Variants in LDAH observed in about 807,000 individuals in gnomAD.
The protein encoded by LDAH is lipid droplet associated hydrolase, also known as lipid droplet-associated hydrolase.
In LDAH, 26 loss-of-function variants were observed where a neutral mutation model predicts 29.6. The ratio of observed to expected loss-of-function variants is 0.88; its 90% CI spans 0.64 to 1.22. The LOEUF (loss-of-function observed/expected upper bound fraction) is 1.22, where lower values mean the gene tolerates loss of function less well. Ranked by LOEUF, LDAH falls within the 50% of genes most tolerant of loss-of-function variation. LDAH has a pLI of 0.00. For synonymous variants in LDAH, 117 were observed against 133.0 expected, an observed-to-expected ratio of 0.88 and a Z score of 0.83; for missense variants, 344 against 387.3, an observed-to-expected ratio of 0.89 and a Z score of 0.94.
chr2:20,782,454 G>A (rs981003023), intron 3 of LDAH, among the ~76,000 whole-genome samples: 1 of 152,090 alleles, frequency 6.6e-6, no homozygotes, highest in Non-Finnish European at 1.5e-5. Context: ...GAGAATTTTT[G>A]CATGTATGTC....
At chr2:20,818,389 T>C (rs897599611) in intron 1 of LDAH, among the ~76,000 whole-genome samples, 36 of 152,292 alleles carry the variant, frequency 2.4e-4, no homozygotes, top group African/African-American at 8.4e-4. Flanking sequence ...TATATAAACT[T>C]GAAAACATAC....
chr2:20,809,527 C>T (rs1052911736), intron 1 of LDAH, among the ~76,000 whole-genome samples: 1 of 152,136 alleles, frequency 6.6e-6, no homozygotes, highest in Admixed American at 6.5e-5. Context: ...TATACACACA[C>T]ACATATATAC....
intron 4 of LDAH, among the ~76,000 whole-genome samples, chr2:20,758,032 T>C (rs1302604894): frequency 6.6e-6 from 1 of 152,190 alleles, no homozygotes; most frequent in Non-Finnish European, 1.5e-5. Flanking sequence ...TCCATGTGCA[T>C]ACATCCCATT....
intron 5 of LDAH, among the ~76,000 whole-genome samples, chr2:20,730,164 T>G (rs1467557638): frequency 6.6e-6 from 1 of 152,208 alleles, no homozygotes; most frequent in African/African-American, 2.4e-5. Context: ...TATTATCAAG[T>G]AGAATTCCAT....
chr2:20,685,882 A>G lies in LDAH; in HGVS notation c.*1021T>C. On this transcript the variant is annotated 3_prime_UTR_variant, in exon 7 of 7. Coordinates refer to ENST00000237822, the MANE Select transcript of LDAH (RefSeq NM_021925.4). ...AAAATAATTTCTTTCCAGCAAATGA[A>G]GTTAATGCAGAAATGGAGAGTTAAT... The G allele has an allele frequency of 6.5e-6, 3 of 458,580 alleles. No homozygotes were observed. Among genetic ancestry groups the G allele is most frequent in the Non-Finnish European group, 1.1e-5 (3 of 268,304 alleles). 28.4% of individuals were successfully genotyped at this position (458,580 alleles called of 1,614,324 possible).
At chr2:20,794,458 A>G (rs915219485) in intron 2 of LDAH, among the ~76,000 whole-genome samples, 2 of 152,164 alleles carry the variant, frequency 1.3e-5, no homozygotes, top group Non-Finnish European at 2.9e-5. Flanking sequence ...AAAAAACTAC[A>G]GACCACTATA....
chr2:20,738,312 G>C (rs974160999), intron 5 of LDAH, among the ~76,000 whole-genome samples: 4 of 145,798 alleles, frequency 2.7e-5, no homozygotes, highest in Middle Eastern at 3.4e-3. Context: ...GCAAAATACA[G>C]TAATTAAGAA....
At chr2:20,737,710 GC>G (rs1666886689) in intron 5 of LDAH, among the ~76,000 whole-genome samples, 1 of 152,228 alleles carries the variant, frequency 6.6e-6, no homozygotes, top group Non-Finnish European at 1.5e-5. Context: ...TCACCAGTAG[GC>G]ATCTGTTCCA....
At chr2:20,749,409 G>A (rs1346560948) in intron 4 of LDAH, among the ~76,000 whole-genome samples, 2 of 152,190 alleles carry the variant, frequency 1.3e-5, no homozygotes, top group Admixed American at 6.5e-5. Flanking sequence ...TGTGAAACAT[G>A]TATACTTCAG....
intron 5 of LDAH, among the ~76,000 whole-genome samples, chr2:20,735,023 A>AC (rs1174085904): frequency 6.6e-6 from 1 of 152,196 alleles, no homozygotes; most frequent in African/African-American, 2.4e-5. Flanking sequence ...TGAATAATGT[A>AC]CCGCTTTGCT....
intron 1 of LDAH, among the ~76,000 whole-genome samples, chr2:20,820,759 A>G (rs1286894796): frequency 1.4e-5 from 2 of 141,832 alleles, no homozygotes; most frequent in Non-Finnish European, 3.0e-5. Context: ...GCCAAAATTG[A>G]CAAATGGGAT....
At chr2:20,770,870 G>T (rs1340045459) in intron 4 of LDAH, among the ~76,000 whole-genome samples, 2 of 152,286 alleles carry the variant, frequency 1.3e-5, no homozygotes, top group South Asian at 4.1e-4. Flanking sequence ...ACTGGCAAGG[G>T]ACCTTTCTCT....
At chr2:20,737,662 G>A (rs1202286695) in intron 5 of LDAH, among the ~76,000 whole-genome samples, 3 of 152,162 alleles carry the variant, frequency 2.0e-5, no homozygotes, top group Non-Finnish European at 4.4e-5. Flanking sequence ...GAACCAAAAT[G>A]AGAGTTGAGG....
chr2:20,702,567 T>A (rs970650557), intron 5 of LDAH, among the ~76,000 whole-genome samples: 1 of 152,244 alleles, frequency 6.6e-6, no homozygotes, highest in East Asian at 1.9e-4. Flanking sequence ...CTGCCTCTTA[T>A]CTTTAGTGTG....
At chr2:20,736,259 T>G (rs984011494) in intron 5 of LDAH, among the ~76,000 whole-genome samples, 5 of 152,098 alleles carry the variant, frequency 3.3e-5, no homozygotes, top group African/African-American at 1.2e-4. Flanking sequence ...CTGGCCAATA[T>G]GGTGAAACCC....
Position 20,790,301 on chromosome 2 carries a change from C to T in LDAH, c.252G>A (p.Gly84=). The change falls in exon 3 of 7, where the codon GGG becomes GGA. Residue 84 remains glycine (G), a synonymous_variant. Coordinates refer to ENST00000237822, the MANE Select transcript of LDAH (RefSeq NM_021925.4). ...RFPVWTISHA[G]HALAPKDKKI... is the part of the protein sequence containing the mutation. ...TCTTGTCTTTGGGAGCCAACGCATG[C>T]CCAGCATGACTGATAGTCCAAACTG... 3 of 1,614,106 alleles carry T rather than the reference C, an allele frequency of 1.9e-6. No individual in the cohort carries two copies. Among genetic ancestry groups the T allele is most frequent in the South Asian group, 1.1e-5 (1 of 91,082 alleles).
chr2:20,739,493 G>A (rs2149441086), intron 5 of LDAH, among the ~76,000 whole-genome samples: 1 of 152,234 alleles, frequency 6.6e-6, no homozygotes, highest in East Asian at 1.9e-4. Context: ...AAAGCACCCA[G>A]TATTAAAATA....
chr2:20,718,743 C>T (rs114411645), intron 5 of LDAH, among the ~76,000 whole-genome samples: 3,265 of 152,196 alleles, frequency 0.021, 115 homozygotes, highest in African/African-American at 0.075. Context: ...GAACATTCTC[C>T]AGCATAGGGC....
chr2:20,687,399 A>C (rs1320758717), intron 6 of LDAH, among the ~76,000 whole-genome samples: 1 of 152,250 alleles, frequency 6.6e-6, no homozygotes, highest in Non-Finnish European at 1.5e-5. Flanking sequence ...TGGACACTGG[A>C]ATGAAGGCCG....
Sources: allele counts gnomAD v4.1 joint callset (sites outside exome capture counted in the v4.1 genomes callset), GRCh38; gene constraint gnomAD v4.1.1; transcripts MANE v1.5; gene names NCBI Gene and HGNC (gene_info 2026-07-23, HGNC 2026-07-21).